Variants in RIT2 observed in about 807,000 individuals in gnomAD.
RIT2 encodes Ras like without CAAX 2.
Under a neutral mutation model 23.7 loss-of-function variants are expected in RIT2, and 24 were observed. The observed-to-expected ratio is 1.01, with a 90% CI of 0.73 to 1.43. The LOEUF (loss-of-function observed/expected upper bound fraction) is 1.43. Ranked by LOEUF, RIT2 falls within the 40% of genes most tolerant of loss-of-function variation. The pLI, the probability that RIT2 is intolerant of heterozygous loss-of-function variation, is 0.00. For missense variants in RIT2, 236 were observed against 266.9 expected, an observed-to-expected ratio of 0.88 and a Z score of 0.81; for synonymous variants, 107 against 91.1, an observed-to-expected ratio of 1.17 and a Z score of -0.99.
At chr18:42,850,208 T>G (rs1208545173) in intron 4 of RIT2, among the ~76,000 whole-genome samples, 1 of 151,940 alleles carries the variant, frequency 6.6e-6, no homozygotes, top group Non-Finnish European at 1.5e-5. Context: ...TGATAATTCT[T>G]TGGAATGCTC....
At chr18:42,917,877 C>G (rs1267538663) in intron 4 of RIT2, among the ~76,000 whole-genome samples, 1 of 152,052 alleles carries the variant, frequency 6.6e-6, no homozygotes, top group Non-Finnish European at 1.5e-5. Context: ...TTTAGAGAGA[C>G]CATCTTGACC....
chr18:43,088,501 G>C (rs568250797), intron 1 of RIT2, among the ~76,000 whole-genome samples: 2 of 152,084 alleles, frequency 1.3e-5, no homozygotes, highest in Non-Finnish European at 2.9e-5. Flanking sequence ...AAAAAAACTG[G>C]TGTAATTCAG....
intron 4 of RIT2, among the ~76,000 whole-genome samples, chr18:42,892,086 C>T (rs554076007): frequency 3.2e-4 from 49 of 152,214 alleles, no homozygotes; most frequent in Admixed American, 6.5e-4. Context: ...CTATTCACCA[C>T]GACAAACCTC....
intron 1 of RIT2, 131 bp downstream of exon 1, chr18:43,115,286 C>T: frequency 8.7e-7 from 1 of 1,151,032 alleles, no homozygotes. Flanking sequence ...GAGCATCCTG[C>T]CAGACCCATA....
chr18:43,092,071 A>G (rs913398793), intron 1 of RIT2, among the ~76,000 whole-genome samples: 17 of 152,264 alleles, frequency 1.1e-4, no homozygotes, highest in African/African-American at 4.1e-4. Flanking sequence ...TTTTGATGAC[A>G]TCACATGCAA....
At chr18:42,922,977 C>G (rs142117826) in intron 4 of RIT2, among the ~76,000 whole-genome samples, 11 of 152,176 alleles carry the variant, frequency 7.2e-5, no homozygotes, top group African/African-American at 2.6e-4. Context: ...AACATGGTAG[C>G]GTAAACAATT....
chr18:42,788,571 T>C (rs894820179), intron 4 of RIT2, among the ~76,000 whole-genome samples: 29 of 152,220 alleles, frequency 1.9e-4, no homozygotes, highest in African/African-American at 6.5e-4. Flanking sequence ...TATTTTATTA[T>C]GTAATTTCAA....
At chr18:43,012,101 A>C (rs1057264505) in intron 2 of RIT2, among the ~76,000 whole-genome samples, 1 of 151,782 alleles carries the variant, frequency 6.6e-6, no homozygotes, top group Non-Finnish European at 1.5e-5. Flanking sequence ...GAGCAACATA[A>C]TTGTGAAAGG....
chr18:43,056,047 A>C (rs1011231206), intron 1 of RIT2, among the ~76,000 whole-genome samples: 6 of 152,044 alleles, frequency 3.9e-5, no homozygotes, highest in African/African-American at 1.4e-4. Flanking sequence ...TCTACATGAG[A>C]AGGTTTATGT....
chr18:42,827,520 A>C (rs985637666), intron 4 of RIT2, among the ~76,000 whole-genome samples: 1 of 152,126 alleles, frequency 6.6e-6, no homozygotes, highest in Non-Finnish European at 1.5e-5. Flanking sequence ...TTGAAATTAA[A>C]AGGTAAAAAA....
chr18:42,761,044 A>T (rs955505645), intron 4 of RIT2, among the ~76,000 whole-genome samples: 2 of 152,234 alleles, frequency 1.3e-5, no homozygotes, highest in South Asian at 4.1e-4. Context: ...CTTCATTTGC[A>T]AAAGCAATCA....
chr18:42,850,839 A>G (rs1029108191), intron 4 of RIT2, among the ~76,000 whole-genome samples: 1 of 152,218 alleles, frequency 6.6e-6, no homozygotes, highest in African/African-American at 2.4e-5. Context: ...TCTTATACCT[A>G]GTGATCTCAT....
intron 1 of RIT2, among the ~76,000 whole-genome samples, chr18:43,102,015 GT>G (rs764598026): frequency 4.6e-5 from 7 of 152,144 alleles, no homozygotes; most frequent in Non-Finnish European, 1.0e-4. Flanking sequence ...TGTTTTGTTT[GT>G]TTTCTAATAA....
intron 2 of RIT2, among the ~76,000 whole-genome samples, chr18:43,028,171 T>A (rs1473349874): frequency 3.9e-5 from 6 of 152,084 alleles, no homozygotes; most frequent in African/African-American, 1.4e-4. Context: ...ATGTTTTGCA[T>A]TCATATGTGT....
intron 4 of RIT2, among the ~76,000 whole-genome samples, chr18:42,893,694 G>C (rs1199297695): frequency 6.6e-6 from 1 of 152,090 alleles, no homozygotes; most frequent in African/African-American, 2.4e-5. Flanking sequence ...CTTTGAAATA[G>C]TTTTTTATAT....
intron 4 of RIT2, among the ~76,000 whole-genome samples, chr18:42,752,382 T>C (rs1265852028): frequency 6.6e-6 from 1 of 152,224 alleles, no homozygotes; most frequent in Non-Finnish European, 1.5e-5. Context: ...CTACTTTATA[T>C]AGTAACTCCT....
Position 42,972,049 on chromosome 18 carries a change from C to T in RIT2, c.234+2025G>A, listed in dbSNP as rs562359760. The stretch of plus-strand genomic sequence containing the variant: ...AAGCATAATTCTAGTTGAGTGTTTC[C>T]AACAACACAAATTTGCTATTTCCCA... On this transcript the variant is annotated intron_variant, in intron 3 of 4. Transcript: ENST00000326695. Among the ~76,000 whole-genome samples the T allele has an allele frequency of 2.0e-5, 3 of 151,924 alleles. No individual in the cohort carries two copies. In the East Asian group the frequency reaches 5.8e-4, roughly 29 times the overall value.
At chr18:42,917,109 C>T (rs536978979) in intron 4 of RIT2, among the ~76,000 whole-genome samples, 1 of 151,984 alleles carries the variant, frequency 6.6e-6, no homozygotes, top group Non-Finnish European at 1.5e-5. Flanking sequence ...ACTTGATGGC[C>T]GGAAGCTATC....
intron 1 of RIT2, among the ~76,000 whole-genome samples, chr18:43,099,818 G>A (rs1050877958): frequency 1.6e-4 from 24 of 151,970 alleles, no homozygotes; most frequent in Admixed American, 1.1e-3. Flanking sequence ...AGGCCCCAAC[G>A]CTCTCCTATC....
Sources: gnomAD v4.1 joint callset for allele counts (sites outside exome capture counted in the v4.1 genomes callset) on GRCh38, gnomAD v4.1.1 for gene constraint, MANE v1.5 for transcripts, NCBI Gene and HGNC (gene_info 2026-07-23, HGNC 2026-07-21) for gene names.